PDP1: variants seen among roughly 807,000 people sequenced by gnomAD.
PDP1 encodes pyruvate dehydrogenase phosphatase catalytic subunit 1.
In PDP1, 14 loss-of-function variants were observed where a neutral mutation model predicts 37.1. The observed-to-expected ratio is 0.38, with a 90% CI of 0.25 to 0.59. The LOEUF (loss-of-function observed/expected upper bound fraction) is 0.59, where lower values mean the gene tolerates loss of function less well. Ranked by LOEUF, PDP1 falls within the 20% of genes least tolerant of loss-of-function variation. The pLI is 0.67. For missense variants in PDP1, 544 were observed against 655.3 expected (o/e 0.83, Z 1.85); for synonymous variants, 251 against 243.3 (o/e 1.03, Z -0.29).
At chr8:93,917,974 G>A in intron 1 of PDP1, 1 of 1,613,116 alleles carries the variant, frequency 6.2e-7, no homozygotes, top group Non-Finnish European at 8.5e-7. Context: ...ACCTGCGTTG[G>A]GTACCCAGGA....
rs1313878083 is a variant in PDP1, at chr8:93,923,408, G to T, written c.1349G>T (p.Gly450Val). 1 of 1,605,876 alleles carries T rather than the reference G, an allele frequency of 6.2e-7. No homozygotes were observed. The highest frequency in any genetic ancestry group is 1.1e-5 in the South Asian group (1 of 90,322). Reference sequence around the variant, plus strand: ...CACCAACAGCCAATAGCTGTTGGTGGCTACAAGGTGACTCTGGGACAGATG... The same window carrying T: ...CACCAACAGCCAATAGCTGTTGGTGTCTACAAGGTGACTCTGGGACAGATG... ...MHHQQPIAVG[G>V]YKVTLGQMHG... The change falls in exon 2 of 2, where the codon GGC becomes GTC. Residue 450 changes from glycine (G) to valine (V), a missense_variant. This residue lies in a region of PDP1 where 159 missense variants were observed against 165.5 expected (regional missense o/e 0.96). Transcript: ENST00000297598. This position sits in a 1 kb window ranked among gnomAD's most constrained non-coding sequence, Gnocchi z 4.3.
intron 1 of PDP1, chr8:93,917,891 G>A (rs535940973): frequency 6.2e-7 from 1 of 1,614,012 alleles, no homozygotes; most frequent in Admixed American, 1.7e-5. Flanking sequence ...GATGTTGTCG[G>A]CTCCGTGTTG....
intron 1 of PDP1, chr8:93,918,056 T>G (rs1033836534): frequency 1.6e-6 from 2 of 1,217,876 alleles, no homozygotes; most frequent in Non-Finnish European, 2.3e-6. Context: ...TGAGATAGAT[T>G]GGAAAAAGGG....
In PDP1 at chr8:93,922,084, T is replaced by G; in HGVS notation, c.25T>G (p.Phe9Val). The change falls in exon 2 of 2, where the codon TTT becomes GTT. Residue 9 changes from phenylalanine to valine, a missense_variant. By Grantham distance (50) the Phe-to-Val change is conservative (BLOSUM62 -1). Coordinates refer to ENST00000297598, the MANE Select transcript of PDP1 (RefSeq NM_018444.4). The surrounding 1 kb of genome is among the most constrained non-coding windows in gnomAD (Gnocchi z 4.0). ...CATGCCAGCACCAACTCAACTGTTT[T>G]TTCCTCTCATCCGTAACTGTGAACT... MPAPTQLF[F>V]PLIRNCELSR... is the part of the protein sequence containing the mutation. 1 of 1,612,938 alleles carries G rather than the reference T, an allele frequency of 6.2e-7. No homozygotes were observed. The highest frequency in any genetic ancestry group is 8.5e-7 in the Non-Finnish European group (1 of 1,179,022).
intron 1 of PDP1, chr8:93,918,026 A>T: frequency 6.7e-7 from 1 of 1,487,420 alleles, no homozygotes; most frequent in Non-Finnish European, 9.3e-7. Context: ...TTTTAGATGA[A>T]TCAGCGTGGT....
In PDP1 at chr8:93,923,005, G is replaced by C; in HGVS notation, c.946G>C (p.Ala316Pro). ...SAVTLSNDHN[A>P]QNERELERLK... Reference sequence around the variant, plus strand: ...AGTCACGCTGTCTAATGACCACAATGCTCAAAATGAAAGAGAACTAGAACG... The same window carrying C: ...AGTCACGCTGTCTAATGACCACAATCCTCAAAATGAAAGAGAACTAGAACG... The change falls in exon 2 of 2, where the codon GCT becomes CCT. Residue 316 changes from alanine (A) to proline (P), a missense_variant. This residue lies in a region of PDP1 where 342 missense variants were observed against 414.0 expected (regional missense o/e 0.83). Coordinates refer to ENST00000297598, the MANE Select transcript of PDP1 (RefSeq NM_018444.4). This position sits in a 1 kb window ranked among gnomAD's most constrained non-coding sequence, Gnocchi z 4.3. The C allele has an allele frequency of 6.2e-7, 1 of 1,614,158 alleles. No individual in the cohort carries two copies. Among genetic ancestry groups the C allele is most frequent in the Non-Finnish European group, 8.5e-7 (1 of 1,180,038 alleles).
In PDP1 at chr8:93,925,372, G is replaced by C. The variant is rs1810405170; in HGVS notation, c.*1699G>C. On this transcript the variant is annotated 3_prime_UTR_variant, in exon 2 of 2. Coordinates refer to ENST00000297598, the MANE Select transcript of PDP1 (RefSeq NM_018444.4). ...AACTTTTTTCCTGGGTAGTATTTGG[G>C]AGAGGGAAAGGCTGTACTATATATT... 6.0e-6 allele frequency: 1 copy of C among 166,348 alleles called. No homozygotes were observed. The highest frequency in any genetic ancestry group is 3.4e-3 in the Middle Eastern group (1 of 294). 10.3% of individuals were successfully genotyped at this position (166,348 alleles called of 1,614,324 possible).
chr8:93,920,182 C>T (rs1810225415), intron 1 of PDP1, among the ~76,000 whole-genome samples: 1 of 152,170 alleles, frequency 6.6e-6, no homozygotes, highest in Non-Finnish European at 1.5e-5. Flanking sequence ...ATCTGTGTGG[C>T]TGGCTTATGC....
intron 1 of PDP1, chr8:93,921,456 T>C: frequency 3.4e-5 from 12 of 354,308 alleles, no homozygotes; most frequent in Non-Finnish European, 4.3e-5. Flanking sequence ...TAGTCATATA[T>C]GTATATGATG....
rs758169742 is a variant in PDP1, at chr8:93,922,875, C to T, written c.816C>T (p.Ala272=). The change falls in exon 2 of 2, where the codon GCC becomes GCT. Residue 272 remains alanine, a synonymous_variant. Transcript: ENST00000297598. The surrounding 1 kb of genome is among the most constrained non-coding windows in gnomAD (Gnocchi z 4.0). ...YLVLRVAFSG[A]TACVAHVDGV... is the part of the protein sequence containing the mutation. ...TGCTTCGAGTGGCATTTTCTGGAGC[C>T]ACTGCTTGTGTGGCCCATGTGGATG... The T allele has an allele frequency of 8.7e-6, 14 of 1,614,214 alleles. No homozygotes were observed. Among genetic ancestry groups the T allele is most frequent in the Middle Eastern group, 1.6e-4 (1 of 6,062 alleles).
chr8:93,920,479 G>A (rs1215895235), intron 1 of PDP1: 5 of 906,824 alleles, frequency 5.5e-6, no homozygotes, highest in African/African-American at 5.4e-5. Context: ...TTTTGAAGCA[G>A]TATCTCAAGA....
At position 93,923,372 on chromosome 8, in the gene PDP1, C is replaced by T. The variant is rs1186546565; in HGVS notation, c.1313C>T (p.Thr438Ile). The change falls in exon 2 of 2, where the codon ACT becomes ATT. Residue 438 changes from threonine to isoleucine, a missense_variant. Thr to Ile is a moderately conservative substitution (Grantham distance 89). Coordinates refer to ENST00000297598, the MANE Select transcript of PDP1 (RefSeq NM_018444.4). The surrounding 1 kb of genome is among the most constrained non-coding windows in gnomAD (Gnocchi z 4.3). ...DVVRIVGEYL[T>I]GMHHQQPIAV... ...GTTAGGATTGTGGGTGAGTACCTAA[C>T]TGGCATGCATCACCAACAGCCAATA... 1.2e-6 allele frequency: 2 copies of T among 1,612,872 alleles called. No homozygotes were observed. The highest frequency in any genetic ancestry group is 1.7e-6 in the Non-Finnish European group (2 of 1,179,014).
intron 1 of PDP1, chr8:93,920,796 A>T: frequency 1.4e-6 from 1 of 713,838 alleles, no homozygotes; most frequent in Non-Finnish European, 1.7e-6. Flanking sequence ...TACAATTGAC[A>T]CATAATATTA....
chr8:93,917,874 G>A, intron 1 of PDP1: 1 of 1,613,938 alleles, frequency 6.2e-7, no homozygotes, highest in Non-Finnish European at 8.5e-7. Flanking sequence ...TGCCCGCGCG[G>A]GTTGTGGATG....
At chr8:93,918,868 A>G (rs1055310826) in intron 1 of PDP1, 1 of 152,256 alleles carries the variant, frequency 6.6e-6, no homozygotes. Context: ...TCCCAAGGGT[A>G]TCTGATCTGA....
rs570396595 is a variant in PDP1, at chr8:93,916,974, C to T, written c.-150C>T. ...AGTGGGCAGGCCGGGGGTGAGGGCT[C>T]GCGCTCCGGGAGCTGCACGGGGCTG... On this transcript the variant is annotated 5_prime_UTR_variant, in exon 1 of 2. Transcript: ENST00000297598. 8.6e-6 allele frequency: 4 copies of T among 463,200 alleles called. No homozygotes were observed. The highest frequency in any genetic ancestry group is 8.9e-5 in the East Asian group (1 of 11,212). The allele number at this position is 463,200 out of a possible 1,614,324, so 28.7% of individuals were successfully genotyped here. A position where few individuals can be genotyped will look rare whatever the true frequency, so the allele number is the denominator to read the frequency against.
At chr8:93,917,373 G>C (rs1810102203) in intron 1 of PDP1, among the ~76,000 whole-genome samples, 1 of 152,086 alleles carries the variant, frequency 6.6e-6, no homozygotes, top group South Asian at 2.1e-4. Flanking sequence ...GCCGGCGGCA[G>C]AGTGAGCTCC....
chr8:93,923,620 A>T lies in PDP1; in HGVS notation c.1561A>T (p.Ile521Phe). 1 of 1,614,128 alleles carries T rather than the reference A, an allele frequency of 6.2e-7. No homozygotes were observed. Among genetic ancestry groups the T allele is most frequent in the South Asian group, 1.1e-5 (1 of 91,076 alleles). Residue 521 changes from isoleucine (I) to phenylalanine (F), a missense_variant, in exon 2 of 2, where the codon ATT (isoleucine) becomes TTT (phenylalanine). By Grantham distance (21) the Ile-to-Phe change is conservative. Transcript: ENST00000297598. This position sits in a 1 kb window ranked among gnomAD's most constrained non-coding sequence, Gnocchi z 4.3. ...ARMYRDDITIIVVQFNSHVVG... is the reference protein window; with the variant it reads ...ARMYRDDITIFVVQFNSHVVG... The stretch of plus-strand genomic sequence containing the variant: ...AATGTACAGAGATGACATTACAATC[A>T]TTGTAGTTCAGTTCAATTCTCATGT...
intron 1 of PDP1, chr8:93,917,870 C>G (rs781709189): frequency 1.3e-4 from 212 of 1,613,812 alleles, no homozygotes; most frequent in Non-Finnish European, 1.7e-4. Context: ...CTGCTGCCCG[C>G]GCGGGTTGTG....
Sources: allele counts gnomAD v4.1 joint callset (sites outside exome capture counted in the v4.1 genomes callset), GRCh38; gene constraint gnomAD v4.1.1; regional missense constraint gnomAD v4.1.1; non-coding constraint Gnocchi (gnomAD v3.1); transcripts MANE v1.5; gene names NCBI Gene and HGNC (gene_info 2026-07-23, HGNC 2026-07-21).